Variants in UBR4 observed in about 807,000 individuals in gnomAD.
UBR4 encodes the protein E3 ubiquitin-protein ligase UBR4.
In UBR4, 124 loss-of-function variants were observed where a neutral mutation model predicts 575.6. The ratio of observed to expected loss-of-function variants is 0.22; its 90% confidence interval spans 0.19 to 0.25. The LOEUF (loss-of-function observed/expected upper bound fraction) is 0.25, where lower values mean the gene tolerates loss of function less well. Among genes scored for constraint, UBR4 ranks in the 10% least tolerant of loss-of-function variants. The pLI is 1.00. For missense variants in UBR4, 4,818 were observed against 6,478.8 expected (o/e 0.74, Z 8.80); for synonymous variants, 2,455 against 2,473.7 (o/e 0.99, Z 0.22).
chr1:19,104,388 T>C (rs565940437), intron 86 of UBR4, 131 bp from the exon 87 acceptor site: 2 of 1,276,178 alleles, frequency 1.6e-6, no homozygotes, highest in East Asian at 2.5e-5. Context: ...GAGCAGGTGT[T>C]CAACAAGCGG....
rs764048336 is a variant in UBR4, at chr1:19,165,657, T to C, written c.4210A>G (p.Ser1404Gly). The change falls in exon 30 of 106, where the codon AGT becomes GGT. Residue 1404 changes from serine to glycine, a missense_variant and splice_region_variant. Physicochemically the swap from Ser to Gly is moderately conservative, Grantham distance 56 (BLOSUM62 0). Around this residue, in one of 29 missense-constraint regions of UBR4, gnomAD observed 1,172 missense variants for 1,259.7 expected, o/e 0.93. Coordinates refer to ENST00000375254, the MANE Select transcript of UBR4 (RefSeq NM_020765.3). ...RKAMEEFFSD[S>G]GELVQIMMAT... ...TGAATAAAGCAAAACACGGCTCACC[T>C]GTCAGAGAAAAACTCCTCCATAGCT... 3.1e-6 allele frequency: 5 copies of C among 1,613,282 alleles called. No homozygotes were observed. The highest frequency in any genetic ancestry group is 1.7e-4 in the Middle Eastern group (1 of 6,052).
At chr1:19,173,682 A>G in intron 22 of UBR4, 61 bp from the exon 23 acceptor site, 1 of 1,490,010 alleles carries the variant, frequency 6.7e-7, no homozygotes, top group Admixed American at 1.7e-5. Context: ...TCTCCCTCAC[A>G]GTACGAACTA....
intron 1 of UBR4, among the ~76,000 whole-genome samples, chr1:19,209,652 C>T (rs2093207381): frequency 6.6e-6 from 1 of 152,232 alleles, no homozygotes; most frequent in Non-Finnish European, 1.5e-5. Context: ...CCACTGATTA[C>T]AGCACCGCGG....
In UBR4 at chr1:19,148,127, C is replaced by T; in HGVS notation, c.7495G>A (p.Glu2499Lys). ...CFAVGPIIEK[E>K]RNKNAAQELA... ...TCCTGAGCAGCATTCTTGTTTCTCTCCTAAGGCAAAAGACAGCAGGGTTAT... is the reference window on the plus strand; with the variant it reads ...TCCTGAGCAGCATTCTTGTTTCTCTTCTAAGGCAAAAGACAGCAGGGTTAT... Residue 2499 changes from glutamate to lysine, a missense_variant and splice_region_variant, in exon 51 of 106, where the codon GAG becomes AAG. Around this residue, in one of 29 missense-constraint regions of UBR4, gnomAD observed 340 missense variants for 375.4 expected, o/e 0.91. Coordinates refer to ENST00000375254, the MANE Select transcript of UBR4 (RefSeq NM_020765.3). 6.2e-7 allele frequency: 1 copy of T among 1,604,346 alleles called. No individual in the cohort carries two copies. The highest frequency in any genetic ancestry group is 1.1e-5 in the South Asian group (1 of 90,956).
chr1:19,179,312 T>C lies in UBR4; in HGVS notation c.2185-92A>G, dbSNP rs912325770. On this transcript the variant is annotated intron_variant, in intron 17 of 105. Transcript: ENST00000375254. ...TGTTCTCAAACGTTTGTTTGTTTAATATTGAACAGAATATTTTAAAGAAAG... is the reference window on the plus strand; with the variant it reads ...TGTTCTCAAACGTTTGTTTGTTTAACATTGAACAGAATATTTTAAAGAAAG... The C allele has an allele frequency of 4.6e-6, 6 of 1,299,006 alleles. No individual in the cohort carries two copies. In the African/African-American group the frequency reaches 9.1e-5, roughly 20 times the overall value. 80.5% of individuals were successfully genotyped at this position (1,299,006 alleles called of 1,614,324 possible).
intron 60 of UBR4, among the ~76,000 whole-genome samples, chr1:19,136,706 G>T (rs927619219): frequency 6.6e-6 from 1 of 152,066 alleles, no homozygotes; most frequent in Non-Finnish European, 1.5e-5. Flanking sequence ...ACAAAAGCAG[G>T]CTGGATTTTA....
chr1:19,076,850 T>C lies in UBR4; in HGVS notation c.15377A>G (p.Tyr5126Cys). 1.9e-6 allele frequency: 3 copies of C among 1,611,174 alleles called. No individual in the cohort carries two copies. The highest frequency in any genetic ancestry group is 2.2e-5 in the South Asian group (2 of 90,652). ...GATGGGCATGTCGTTGTGGCGGATG[T>C]ACTCAGCGAGAGAGCAGGACCAGCC... ...EGGWSCSLAE[Y>C]IRHNDMPIYE... Residue 5126 changes from tyrosine to cysteine, a missense_variant, in exon 105 of 106, where the codon TAC becomes TGC. Tyr to Cys is a radical substitution (Grantham distance 194, BLOSUM62 -2). Transcript: ENST00000375254.
intron 11 of UBR4, 82 bp from the exon 12 acceptor site, chr1:19,187,622 T>C: frequency 6.9e-7 from 1 of 1,448,518 alleles, no homozygotes; most frequent in Non-Finnish European, 9.5e-7. Flanking sequence ...TCTTGCCATT[T>C]TGGGGTTTCA....
Position 19,197,811 on chromosome 1 carries a change from C to A in UBR4, c.752G>T (p.Gly251Val). Residue 251 changes from glycine to valine, a missense_variant and splice_region_variant, in exon 7 of 106, where the codon GGT becomes GTT. Physicochemically the swap from Gly to Val is moderately radical, Grantham distance 109. Around this residue, in one of 29 missense-constraint regions of UBR4, gnomAD observed 131 missense variants for 214.5 expected, o/e 0.61. Coordinates refer to ENST00000375254, the MANE Select transcript of UBR4 (RefSeq NM_020765.3). ...TACACGCAGTAGCTTCTCCGAGCCACCTAAATGAATGAAAACCACAACCTT... is the reference window on the plus strand; with the variant it reads ...TACACGCAGTAGCTTCTCCGAGCCAACTAAATGAATGAAAACCACAACCTT... The part of the protein sequence containing the change: ...AQNVASLQEL[G>V]GSEKLLRVCL... The A allele has an allele frequency of 6.2e-7, 1 of 1,614,014 alleles. No individual in the cohort carries two copies. Among genetic ancestry groups the A allele is most frequent in the Non-Finnish European group, 8.5e-7 (1 of 1,179,982 alleles).
chr1:19,119,420 A>C, intron 70 of UBR4, 137 bp downstream of exon 70: 1 of 1,241,602 alleles, frequency 8.1e-7, no homozygotes, highest in South Asian at 1.5e-5. Context: ...CTTACCAAGA[A>C]ATGCAAAACT....
chr1:19,144,098 T>A lies in UBR4; in HGVS notation c.8068-7A>T, dbSNP rs2084489427. Reference sequence around the variant, plus strand: ...AGAAGCTCACAGCAGGATCCTGAGGTTTAAAAGGAAACTGTCACGCTTTGC... The same window carrying A: ...AGAAGCTCACAGCAGGATCCTGAGGATTAAAAGGAAACTGTCACGCTTTGC... On this transcript the variant is annotated splice_region_variant and splice_polypyrimidine_tract_variant and intron_variant, in intron 54 of 105. Coordinates refer to ENST00000375254, the MANE Select transcript of UBR4 (RefSeq NM_020765.3). The A allele has an allele frequency of 4.3e-6, 7 of 1,612,512 alleles. No homozygotes were observed. The highest frequency in any genetic ancestry group is 5.9e-6 in the Non-Finnish European group (7 of 1,178,682).
chr1:19,107,318 A>C (rs1463921369), intron 81 of UBR4, among the ~76,000 whole-genome samples: 2 of 152,096 alleles, frequency 1.3e-5, no homozygotes, highest in African/African-American at 4.8e-5. Context: ...CAGAATGCAA[A>C]CTGTCACTAA....
chr1:19,201,981 T>G (rs1232843218), intron 1 of UBR4, among the ~76,000 whole-genome samples, 166 bp from the exon 2 acceptor site: 1 of 152,120 alleles, frequency 6.6e-6, no homozygotes, highest in East Asian at 1.9e-4. Flanking sequence ...TCACCTGAGG[T>G]CAGGAGTTCA....
chr1:19,151,261 C>T (rs1255896483), intron 48 of UBR4: 3 of 341,902 alleles, frequency 8.8e-6, no homozygotes, highest in African/African-American at 6.3e-5. Flanking sequence ...AGTGGCATAG[C>T]AAGCCATTGC....
In UBR4 at chr1:19,086,195, C is replaced by T. The variant is rs145487384; in HGVS notation, c.14763G>A (p.Pro4921=). ...NANTKCNGLL[P]VWGPHVPESA... ...ATTCAGGGACATGAGGTCCCCAGAC[C>T]GGAAGGAGCCCGTTGCACTTGGTGT... Residue 4921 remains proline (P), a synonymous_variant, in exon 101 of 106, where the codon CCG becomes CCA. Coordinates refer to ENST00000375254, the MANE Select transcript of UBR4 (RefSeq NM_020765.3). The T allele has an allele frequency of 3.5e-5, 56 of 1,613,992 alleles. No individual in the cohort carries two copies. In the Middle Eastern group the frequency reaches 2.3e-3, roughly 66 times the overall value.
At chr1:19,177,775 G>A in intron 18 of UBR4, 32 bp from the exon 19 acceptor site, 3 of 1,595,452 alleles carry the variant, frequency 1.9e-6, no homozygotes, top group East Asian at 2.2e-5. Flanking sequence ...TATATCTGGT[G>A]GGAAAAAGAG....
At position 19,138,118 on chromosome 1, in the gene UBR4, C is replaced by T. The variant is rs1218355261; in HGVS notation, c.8795G>A (p.Ser2932Asn). 1 of 1,598,028 alleles carries T rather than the reference C, an allele frequency of 6.3e-7. No individual in the cohort carries two copies. The highest frequency in any genetic ancestry group is 8.5e-7 in the Non-Finnish European group (1 of 1,170,742). ...TAEGHPAGPG[S>N]VSSSTGAIST... ...GATGGCTCCAGTGCTTGAGCTGACA[C>T]TTCCTGGTCCAGCCGGATGCCCCTC... The change falls in exon 60 of 106, where the codon AGT becomes AAT. Residue 2932 changes from serine (S) to asparagine (N), a missense_variant. This residue lies in a region of UBR4 where 57 missense variants were observed against 101.5 expected (regional missense o/e 0.56). Transcript: ENST00000375254.
rs781782047 is a variant in UBR4 at position 19,198,008 on chromosome 1, G to A, written c.690C>T (p.Ala230=). The A allele has an allele frequency of 6.2e-7, 1 of 1,614,080 alleles. No individual in the cohort carries two copies. The highest frequency in any genetic ancestry group is 2.2e-5 in the East Asian group (1 of 44,890). ...ACACATTCTTGGTTTTGATAGCTGA[G>A]GCTTGATCTGTAGATGACTGCTCAT... ...ENDEQSSTDQ[A]SAIKTKNVFI... The change falls in exon 6 of 106, where the codon GCC becomes GCT. Residue 230 remains alanine (A), a synonymous_variant. Transcript: ENST00000375254.
rs376606200 is a variant in UBR4, at chr1:19,165,399, C to A, written c.4212-50G>T. 287 of 1,459,838 alleles carry A rather than the reference C, an allele frequency of 2.0e-4. 3 individuals carry two copies. Among genetic ancestry groups the A allele is most frequent in the Non-Finnish European group, 3.8e-5 (40 of 1,048,146 alleles). 90.4% of individuals were successfully genotyped at this position (1,459,838 alleles called of 1,614,324 possible). A position where few individuals can be genotyped will look rare whatever the true frequency, so the allele number is the denominator to read the frequency against. ...TGGAAAGAATCACATTAAAGCCCCA[C>A]ATAAAAAGCATCCTTTCTTCACAAT... On this transcript the variant is annotated intron_variant, in intron 30 of 105. Transcript: ENST00000375254.
Sources: gnomAD v4.1 joint callset for allele counts (sites outside exome capture counted in the v4.1 genomes callset) on GRCh38, gnomAD v4.1.1 for gene constraint, gnomAD v4.1.1 regional missense constraint, MANE v1.5 for transcripts, NCBI Gene and HGNC (gene_info 2026-07-23, HGNC 2026-07-21) for gene names.